TENM2: variants seen among roughly 807,000 people sequenced by gnomAD.
TENM2 encodes the protein teneurin-2.
TENM2 carries 52 observed loss-of-function variants against 245.2 expected under a neutral mutation model. The observed-to-expected ratio is 0.21, with a 90% confidence interval of 0.17 to 0.27. The LOEUF (loss-of-function observed/expected upper bound fraction) is 0.27, where lower values mean the gene tolerates loss of function less well. TENM2 is among the 10% of genes least tolerant of loss of function. The pLI is 1.00. For synonymous variants in TENM2, 1,363 were observed against 1,438.9 expected (o/e 0.95, Z 1.19); for missense variants, 3,046 against 3,666.8 (o/e 0.83, Z 4.37).
At chr5:167,888,914 A>G (rs1246697908) in intron 3 of TENM2, among the ~76,000 whole-genome samples, 1 of 152,200 alleles carries the variant, frequency 6.6e-6, no homozygotes, top group Non-Finnish European at 1.5e-5. Context: ...TGCTAGAGTT[A>G]TATTTTAGTG....
intron 2 of TENM2, among the ~76,000 whole-genome samples, chr5:167,437,377 C>T (rs763576711): frequency 2.0e-4 from 30 of 152,306 alleles, no homozygotes; most frequent in Non-Finnish European, 3.2e-4. Context: ...CTGTATTTAT[C>T]GAATGCCTGT....
chr5:168,119,811 G>A (rs1191254741), intron 10 of TENM2, among the ~76,000 whole-genome samples: 3 of 152,152 alleles, frequency 2.0e-5, no homozygotes, highest in Non-Finnish European at 4.4e-5. Context: ...AAAAAGTGAA[G>A]CCCCTGCCTA....
chr5:167,090,045 G>C, the TENM2 span, among the ~76,000 whole-genome samples: 13 of 152,046 alleles, frequency 8.6e-5, no homozygotes, highest in Non-Finnish European at 1.5e-4. Context: ...TACAAAGAAG[G>C]TACCAGTTTC....
intron 2 of TENM2, among the ~76,000 whole-genome samples, chr5:167,849,597 C>T (rs1219953438): frequency 6.6e-6 from 1 of 152,062 alleles, no homozygotes; most frequent in Admixed American, 6.6e-5. Context: ...CCCAGTCCCT[C>T]AAGACTGCTC....
intron 2 of TENM2, among the ~76,000 whole-genome samples, chr5:167,575,222 T>C (rs1181140016): frequency 6.6e-6 from 1 of 151,924 alleles, no homozygotes; most frequent in Non-Finnish European, 1.5e-5. Flanking sequence ...AAAGATAGCA[T>C]AGAATGTTTA....
intron 5 of TENM2, among the ~76,000 whole-genome samples, chr5:168,046,208 AT>A: frequency 6.6e-6 from 1 of 152,296 alleles, no homozygotes; most frequent in South Asian, 2.1e-4. Flanking sequence ...TGCAGAATTA[AT>A]TGCTGTGTGA....
chr5:167,027,489 A>C, the TENM2 span, among the ~76,000 whole-genome samples: 1 of 152,234 alleles, frequency 6.6e-6, no homozygotes, highest in African/African-American at 2.4e-5. Context: ...TCATAAGGAT[A>C]ATACTGCTAA....
chr5:167,894,954 G>T (rs1775066458), intron 3 of TENM2, among the ~76,000 whole-genome samples: 1 of 118,114 alleles, frequency 8.5e-6, no homozygotes. Context: ...AGGAAGGAAG[G>T]AAGGAAGGAA....
At chr5:167,047,958 A>ACAAG in the TENM2 span, among the ~76,000 whole-genome samples, 1 of 151,996 alleles carries the variant, frequency 6.6e-6, no homozygotes, top group Non-Finnish European at 1.5e-5. Flanking sequence ...TATAGCAAAA[A>ACAAG]CAAACAAACA....
chr5:167,255,171 C>T, the TENM2 span, among the ~76,000 whole-genome samples: 1 of 149,236 alleles, frequency 6.7e-6, no homozygotes, highest in East Asian at 2.0e-4. Flanking sequence ...GTCCCTAATT[C>T]TGTCAAATTA....
At chr5:167,080,899 A>T in the TENM2 span, among the ~76,000 whole-genome samples, 1 of 152,154 alleles carries the variant, frequency 6.6e-6, no homozygotes, top group Non-Finnish European at 1.5e-5. Flanking sequence ...CAAAAAGGAC[A>T]TACCAGAAAA....
intron 1 of TENM2, among the ~76,000 whole-genome samples, chr5:167,336,936 T>A: frequency 6.7e-6 from 1 of 149,160 alleles, no homozygotes. Flanking sequence ...GCTAACAAGG[T>A]GAAACCCCGT....
rs182755478 is a variant in TENM2 at position 167,608,845 on chromosome 5, C to T, written c.502+233372C>T. Among the ~76,000 whole-genome samples the T allele has an allele frequency of 1.1e-4, 17 of 152,274 alleles. No individual in the cohort carries two copies. The East Asian group carries it at 3.1e-3, about 28-fold the overall frequency. Reference sequence around the variant, plus strand: ...AAGCTTGTCAGATGGGACACCCAAACGCCTTCTCTTGGAAGGGGAAACAGA... The same window carrying T: ...AAGCTTGTCAGATGGGACACCCAAATGCCTTCTCTTGGAAGGGGAAACAGA... On this transcript the variant is annotated intron_variant, in intron 2 of 28. Transcript: ENST00000518659.
the TENM2 span, among the ~76,000 whole-genome samples, chr5:167,123,605 G>T: frequency 2.6e-5 from 4 of 152,214 alleles, no homozygotes; most frequent in South Asian, 8.3e-4. Flanking sequence ...CCACGGGGTA[G>T]GATATGTTTA....
In TENM2 at chr5:168,055,270, A is replaced by G. The variant is rs76435563; in HGVS notation, c.1310-6790A>G. 4.2e-3 allele frequency among the ~76,000 whole-genome samples: 646 copies of G among 152,348 alleles called. 6 individuals carry two copies. Among genetic ancestry groups the G allele is most frequent in the African/African-American group, 0.015 (622 of 41,580 alleles). On this transcript the variant is annotated intron_variant, in intron 6 of 28. Coordinates refer to ENST00000518659, the Ensembl canonical transcript of TENM2. ...CAAAGAATACCTACTGTTATAGTCA[A>G]TGCTTGATAAATATTTATTGCATGG...
chr5:168,250,939 A>G (rs931985950), intron 27 of TENM2, among the ~76,000 whole-genome samples: 4 of 152,368 alleles, frequency 2.6e-5, no homozygotes, highest in Admixed American at 2.0e-4. Context: ...GAGAGCGATG[A>G]GAAGTGTCTC....
chr5:168,136,425 A>G (rs550329507), intron 12 of TENM2, among the ~76,000 whole-genome samples: 2 of 152,276 alleles, frequency 1.3e-5, no homozygotes, highest in East Asian at 1.9e-4. Context: ...TGAGAAATAC[A>G]CTTACAGGGA....
chr5:168,056,814 T>C (rs2152074927), intron 6 of TENM2, among the ~76,000 whole-genome samples: 1 of 152,304 alleles, frequency 6.6e-6, no homozygotes, highest in Non-Finnish European at 1.5e-5. Flanking sequence ...GTGTCTTTTC[T>C]ATGTTTAGAT....
At chr5:166,997,192 T>G in the TENM2 span, among the ~76,000 whole-genome samples, 2 of 152,170 alleles carry the variant, frequency 1.3e-5, no homozygotes, top group African/African-American at 4.8e-5. Context: ...CTACCAGTAT[T>G]AAGAAGCAGT....
Sources: allele counts gnomAD v4.1 joint callset (sites outside exome capture counted in the v4.1 genomes callset), GRCh38; gene constraint gnomAD v4.1.1; transcripts MANE v1.5; gene names NCBI Gene and HGNC (gene_info 2026-07-23, HGNC 2026-07-21).